The following RESP18 variants were observed in gnomAD, a reference collection of about 807,000 sequenced individuals.
RESP18 encodes regulated endocrine-specific protein 18.
RESP18 carries 30 observed loss-of-function variants against 30.0 expected under a neutral mutation model. That is an observed-to-expected ratio of 1.00 (90% CI 0.75 to 1.36). The LOEUF (loss-of-function observed/expected upper bound fraction) is 1.36. Ranked by LOEUF, RESP18 falls within the 40% of genes most tolerant of loss-of-function variation. The pLI, the probability that RESP18 is intolerant of heterozygous loss-of-function variation, is 0.00. For missense variants in RESP18, 320 were observed against 284.2 expected, an observed-to-expected ratio of 1.13 and a Z score of -0.91; for synonymous variants, 117 against 111.2, an observed-to-expected ratio of 1.05 and a Z score of -0.33.
At chr2:219,328,622 G>A (rs187167003) in intron 6 of RESP18, among the ~76,000 whole-genome samples, 4 of 152,298 alleles carry the variant, frequency 2.6e-5, no homozygotes, top group Admixed American at 1.3e-4. Context: ...TATGTCCCAT[G>A]GCCTGGGCCC....
intron 2 of RESP18, 131 bp downstream of exon 1, chr2:219,332,393 T>C (rs528686987): frequency 1.2e-5 from 8 of 688,370 alleles, no homozygotes; most frequent in Admixed American, 1.1e-4. Flanking sequence ...GCTGTCTACC[T>C]TTTTCTCTTC....
At position 219,329,893 on chromosome 2, in the gene RESP18, T is replaced by C. The variant is rs1574948323; in HGVS notation, c.338-129A>G. On this transcript the variant is annotated intron_variant, in intron 3 of 6. Coordinates refer to ENST00000333527, the MANE Select transcript of RESP18 (RefSeq NM_001007089.4). ...ACAGAGAATTAAACAAGATGATGTA[T>C]TAAAGTTGCTTAGCATAGTGCCTAG... 5.4e-6 allele frequency: 5 copies of C among 921,458 alleles called. No homozygotes were observed. The East Asian group carries it at 1.3e-4, about 25-fold the overall frequency. 57.1% of individuals were successfully genotyped at this position (921,458 alleles called of 1,614,324 possible).
chr2:219,330,854 A>G lies in RESP18; in HGVS notation c.254T>C (p.Val85Ala), dbSNP rs933783862. 11 of 1,551,096 alleles carry G rather than the reference A, an allele frequency of 7.1e-6. No individual in the cohort carries two copies. In the African/African-American group the frequency reaches 1.5e-4, roughly 21 times the overall value. ...TCCTTGGAGGGGCCAAAGCTGCCCCACTCCTACTTGGTCCTGACCATCTAA... is the reference window on the plus strand; with the variant it reads ...TCCTTGGAGGGGCCAAAGCTGCCCCGCTCCTACTTGGTCCTGACCATCTAA... Residue 85 changes from valine to alanine, a missense_variant, in exon 3 of 7, where the codon GTG (valine) becomes GCG (alanine). Coordinates refer to ENST00000333527, the MANE Select transcript of RESP18 (RefSeq NM_001007089.4).
At chr2:219,332,859 C>T (rs1952847295) in intron 1 of RESP18, 115 bp from the exon 1 acceptor site, 2 of 853,696 alleles carry the variant, frequency 2.3e-6, no homozygotes, top group Non-Finnish European at 3.5e-6. Context: ...TGACCCGGCT[C>T]CTTTCGGGCA....
intron 6 of RESP18, among the ~76,000 whole-genome samples, chr2:219,328,277 C>T (rs1183725060): frequency 6.6e-6 from 1 of 152,180 alleles, no homozygotes; most frequent in South Asian, 2.1e-4. Context: ...AGTCCTGGGC[C>T]TAATTCTCCA....
chr2:219,331,013 C>T (rs1952825375), intron 2 of RESP18, 138 bp from the exon 2 acceptor site: 1 of 600,698 alleles, frequency 1.7e-6, no homozygotes, highest in African/African-American at 1.9e-5. Context: ...TTGTCCACTT[C>T]AAGTCTTCTT....
intron 5 of RESP18, 27 bp downstream of exon 4, chr2:219,329,136 C>T: frequency 6.5e-7 from 1 of 1,543,584 alleles, no homozygotes; most frequent in Non-Finnish European, 8.8e-7. Context: ...ACAGGTCCAA[C>T]CTCCCTAGAA....
Position 219,328,961 on chromosome 2 carries a change from C to T in RESP18, c.603G>A (p.Pro201=), listed in dbSNP as rs374971180. Residue 201 remains proline, a synonymous_variant, in exon 6 of 7, where the codon CCG becomes CCA. Transcript: ENST00000333527. ...AGATAATTTCTTCCTTAGAGGGTCC[C>T]GGCGCCTGCATCATGTCCAGCCCCC... is the stretch of plus-strand genomic sequence containing the variant. 1,004 of 1,551,182 alleles carry T rather than the reference C, an allele frequency of 6.5e-4. No individual in the cohort carries two copies. The highest frequency in any genetic ancestry group is 7.9e-4 in the Non-Finnish European group (909 of 1,146,538).
chr2:219,332,781 C>G, intron 1 of RESP18, 37 bp from the exon 1 acceptor site: 2 of 1,455,718 alleles, frequency 1.4e-6, no homozygotes, highest in Non-Finnish European at 1.8e-6. Flanking sequence ...GTGAGCGGGC[C>G]CTGCCCCTGC....
chr2:219,331,161 C>T (rs544853875), intron 2 of RESP18: 100 of 308,080 alleles, frequency 3.2e-4, no homozygotes, highest in African/African-American at 2.1e-3. Context: ...GCTCAGAAAG[C>T]TGAGCACATG....
In RESP18 at chr2:219,333,108, TATATATAATA is replaced by T; in HGVS notation, c.17+43_17+52del. On this transcript the variant is annotated intron_variant, in intron 1 of 6. Transcript: ENST00000333527. The stretch of plus-strand genomic sequence containing the variant: ...ATATAGGTTCGATCTGCTATATATA[TATATATAATA>T]TTATATATTATATATTATATATGGC... 12 of 1,234,938 alleles carry T rather than the reference TATATATAATA, an allele frequency of 9.7e-6. 1 individual carries two copies. The highest frequency in any genetic ancestry group is 1.2e-5 in the Non-Finnish European group (11 of 931,536). 76.5% of individuals were successfully genotyped at this position (1,234,938 alleles called of 1,614,324 possible).
chr2:219,328,869 C>T (rs944189831), intron 6 of RESP18, 55 bp downstream of exon 5: 28 of 1,128,510 alleles, frequency 2.5e-5, no homozygotes, highest in Non-Finnish European at 3.1e-5. Flanking sequence ...GCAAAAAGGA[C>T]GTTTAATTTT....
At chr2:219,332,813 C>T in intron 1 of RESP18, 69 bp from the exon 1 acceptor site, 1 of 1,167,406 alleles carries the variant, frequency 8.6e-7, no homozygotes, top group African/African-American at 1.6e-5. Context: ...CAGCTCCTTC[C>T]CCTACCGCCT....
At position 219,329,000 on chromosome 2, in the gene RESP18, A is replaced by G. The variant is rs1403299125; in HGVS notation, c.564T>C (p.Tyr188=). ...TGTCCAGCCCCCCATATGAACACCT[A>G]TAGGTAATCTGAGAGATACAGGAAA... The change falls in exon 6 of 7, where the codon TAT becomes TAC. Residue 188 remains tyrosine (Y), a synonymous_variant. Transcript: ENST00000333527. 2 of 1,550,050 alleles carry G rather than the reference A, an allele frequency of 1.3e-6. No homozygotes were observed. Among genetic ancestry groups the G allele is most frequent in the Admixed American group, 3.9e-5 (2 of 50,962 alleles).
chr2:219,327,967 C>T (rs374307199), intron 6 of RESP18, among the ~76,000 whole-genome samples: 3 of 152,176 alleles, frequency 2.0e-5, no homozygotes, highest in African/African-American at 7.2e-5. Context: ...GCTGGAACCC[C>T]CTGTGGTGCA....
At chr2:219,331,513 C>T (rs1263683909) in intron 2 of RESP18, among the ~76,000 whole-genome samples, 1 of 152,142 alleles carries the variant, frequency 6.6e-6, no homozygotes, top group Non-Finnish European at 1.5e-5. Context: ...AATTCTCCTA[C>T]CCAGTCAAAT....
At position 219,328,957 on chromosome 2, in the gene RESP18, G is replaced by A; in HGVS notation, c.607C>T (p.Pro203Ser). ...TTATAGATAATTTCTTCCTTAGAGG[G>A]TCCCGGCGCCTGCATCATGTCCAGC... Residue 203 changes from proline to serine, a missense_variant, in exon 6 of 7, where the codon CCC becomes TCC. Coordinates refer to ENST00000333527, the MANE Select transcript of RESP18 (RefSeq NM_001007089.4). The A allele has an allele frequency of 6.4e-7, 1 of 1,551,164 alleles. No homozygotes were observed. Among genetic ancestry groups the A allele is most frequent in the Non-Finnish European group, 8.7e-7 (1 of 1,146,422 alleles).
chr2:219,328,152 T>G (rs550709488), intron 6 of RESP18, among the ~76,000 whole-genome samples: 74 of 152,364 alleles, frequency 4.9e-4, no homozygotes, highest in African/African-American at 1.6e-3. Context: ...GGGTGGCCTT[T>G]TAAAATCATA....
At chr2:219,331,847 C>A (rs1337364837) in intron 2 of RESP18, among the ~76,000 whole-genome samples, 1 of 152,210 alleles carries the variant, frequency 6.6e-6, no homozygotes, top group Non-Finnish European at 1.5e-5. Context: ...TTCCCCACGG[C>A]CCTCATCCTC....
Sources: allele counts gnomAD v4.1 joint callset (sites outside exome capture counted in the v4.1 genomes callset), GRCh38; gene constraint gnomAD v4.1.1; transcripts MANE v1.5; gene names NCBI Gene and HGNC (gene_info 2026-07-23, HGNC 2026-07-21).